Variants in NUDT3 observed in about 807,000 individuals in gnomAD.
The protein encoded by NUDT3 is nudix hydrolase 3, also known as diphosphoinositol polyphosphate phosphohydrolase 1.
In NUDT3, 9 loss-of-function variants were observed where a neutral mutation model predicts 23.6. That is an observed-to-expected ratio of 0.38 (90% CI 0.23 to 0.66). The LOEUF is 0.66. Among genes scored for constraint, NUDT3 ranks in the 30% least tolerant of loss-of-function variants. The pLI is 0.52. For missense variants in NUDT3, 172 were observed against 218.5 expected, an observed-to-expected ratio of 0.79 and a Z score of 1.34; for synonymous variants, 86 against 82.6, an observed-to-expected ratio of 1.04 and a Z score of -0.22.
chr6:34,365,949 G>A (rs1411315477), intron 1 of NUDT3, among the ~76,000 whole-genome samples: 1 of 152,164 alleles, frequency 6.6e-6, no homozygotes, highest in Non-Finnish European at 1.5e-5. Flanking sequence ...ACTGAAGCAG[G>A]AGAATTGCTT....
In NUDT3 at chr6:34,342,377, G is replaced by A. The variant is rs192517150; in HGVS notation, c.100-405C>T. Among the ~76,000 whole-genome samples the A allele has an allele frequency of 9.9e-5, 15 of 150,794 alleles. No homozygotes were observed. The East Asian group carries it at 2.7e-3, about 27-fold the overall frequency. On this transcript the variant is annotated intron_variant, in intron 1 of 4. Coordinates refer to ENST00000607016, the MANE Select transcript of NUDT3 (RefSeq NM_006703.4). ...GCTGGCCAGAAGACAAAAGGCCCTT[G>A]GCCATGATTGCCATCATGGTCCAAC...
intron 4 of NUDT3, among the ~76,000 whole-genome samples, chr6:34,291,566 A>T (rs1763423193): frequency 6.6e-6 from 1 of 151,644 alleles, no homozygotes; most frequent in Non-Finnish European, 1.5e-5. Flanking sequence ...GCATTGGTGT[A>T]TTCTTGGCTC....
intron 2 of NUDT3, among the ~76,000 whole-genome samples, chr6:34,334,044 GA>G (rs1176983710): frequency 6.6e-6 from 1 of 152,200 alleles, no homozygotes; most frequent in African/African-American, 2.4e-5. Flanking sequence ...ATTGGCGCGT[GA>G]CCAGGCTCCT....
At chr6:34,375,384 G>C (rs745324884) in intron 1 of NUDT3, among the ~76,000 whole-genome samples, 1 of 152,052 alleles carries the variant, frequency 6.6e-6, no homozygotes, top group Non-Finnish European at 1.5e-5. Flanking sequence ...AGTTACCAGA[G>C]TTCTAAAACA....
Position 34,286,967 on chromosome 6 carries a change from C to G in NUDT3, c.*1786G>C, listed in dbSNP as rs537501587. 6.6e-6 allele frequency: 1 copy of G among 151,190 alleles called. No individual in the cohort carries two copies. Among genetic ancestry groups the G allele is most frequent in the African/African-American group, 2.4e-5 (1 of 41,112 alleles). The allele number at this position is 151,190 out of a possible 1,614,324, so 9.4% of individuals were successfully genotyped here. ...CTAATTTCTGCATTTTTAGTAGAGA[C>G]GGGGTTTCACCATGTTGGTCAGGCT... On this transcript the variant is annotated 3_prime_UTR_variant, in exon 5 of 5. Coordinates refer to ENST00000607016, the MANE Select transcript of NUDT3 (RefSeq NM_006703.4).
intron 4 of NUDT3, among the ~76,000 whole-genome samples, chr6:34,292,614 TA>T (rs780792409): frequency 1.8e-4 from 27 of 148,536 alleles, no homozygotes; most frequent in Admixed American, 1.1e-3. Context: ...TGAAAAAATA[TA>T]AAAATATATA....
intron 2 of NUDT3, among the ~76,000 whole-genome samples, chr6:34,328,082 A>G (rs960809452): frequency 1.3e-5 from 2 of 152,090 alleles, no homozygotes; most frequent in South Asian, 4.1e-4. Context: ...TATGATAACT[A>G]TTCTTATTCT....
At chr6:34,288,989 A>T in intron 4 of NUDT3, 58 bp from the exon 5 acceptor site, 1 of 1,488,218 alleles carries the variant, frequency 6.7e-7, no homozygotes. Context: ...CTGAGCCTAG[A>T]ACTTTTGAGA....
rs116152166 is a variant in NUDT3, at chr6:34,383,875, A to G, written c.99+8389T>C. Among the ~76,000 whole-genome samples the G allele has an allele frequency of 6.6e-3, 1,000 of 152,246 alleles. 7 individuals carry two copies. Among genetic ancestry groups the G allele is most frequent in the Admixed American group, 0.012 (181 of 15,276 alleles). The stretch of plus-strand genomic sequence containing the variant: ...AGGCAAACAGAAGGGAAAGCAGGGG[A>G]AAAAAGCTTCCAGGAAAGATTTTGA... On this transcript the variant is annotated intron_variant, in intron 1 of 4. Transcript: ENST00000607016.
At chr6:34,363,874 G>A (rs1764686264) in intron 1 of NUDT3, among the ~76,000 whole-genome samples, 1 of 151,820 alleles carries the variant, frequency 6.6e-6, no homozygotes, top group Non-Finnish European at 1.5e-5. Context: ...CCAGGTTTAA[G>A]CGATTCTCCT....
chr6:34,333,419 AACAT>A (rs1478253658), intron 2 of NUDT3, among the ~76,000 whole-genome samples: 2 of 152,234 alleles, frequency 1.3e-5, no homozygotes, highest in Non-Finnish European at 1.5e-5. Flanking sequence ...TAACAAAAGA[AACAT>A]ACACTCAATG....
In NUDT3 at chr6:34,392,497, G is replaced by C. The variant is rs2113777096; in HGVS notation, c.-135C>G. The C allele has an allele frequency of 1.9e-6, 1 of 535,744 alleles. No individual in the cohort carries two copies. The highest frequency in any genetic ancestry group is 2.4e-5 in the South Asian group (1 of 41,706). The allele number at this position is 535,744 out of a possible 1,614,324, so 33.2% of individuals were successfully genotyped here. A position where few individuals can be genotyped will look rare whatever the true frequency, so the allele number is the denominator to read the frequency against. On this transcript the variant is annotated 5_prime_UTR_variant, in exon 1 of 5. Coordinates refer to ENST00000607016, the MANE Select transcript of NUDT3 (RefSeq NM_006703.4). ...GGAGGGGGAGCTTCTCCGCTACACG[G>C]CTCCGCCGCTGGCCCGCCGCGGCCG...
rs534074956 is a variant in NUDT3, at chr6:34,281,993, T to G, written c.*6760A>C. 6.6e-6 allele frequency: 1 copy of G among 152,234 alleles called. No homozygotes were observed. The highest frequency in any genetic ancestry group is 2.4e-5 in the African/African-American group (1 of 41,452). The allele number at this position is 152,234 out of a possible 1,614,324, so 9.4% of individuals were successfully genotyped here. Reference sequence around the variant, plus strand: ...CTTTGGAAACTCTCCAAGACTTAACTTCCGATCTGGGGAGGTTCTACGTGG... The same window carrying G: ...CTTTGGAAACTCTCCAAGACTTAACGTCCGATCTGGGGAGGTTCTACGTGG... On this transcript the variant is annotated 3_prime_UTR_variant, in exon 5 of 5. Transcript: ENST00000607016.
At chr6:34,353,195 T>C (rs1764504566) in intron 1 of NUDT3, among the ~76,000 whole-genome samples, 1 of 152,214 alleles carries the variant, frequency 6.6e-6, no homozygotes, top group African/African-American at 2.4e-5. Context: ...TTATACACAT[T>C]GTTCTACTTT....
At chr6:34,298,317 C>A (rs1385409587) in intron 2 of NUDT3, among the ~76,000 whole-genome samples, 5 of 152,120 alleles carry the variant, frequency 3.3e-5, no homozygotes, top group African/African-American at 4.8e-5. Context: ...GCCATGACTG[C>A]ACCACTGTAC....
At chr6:34,338,374 G>C (rs142267608) in intron 2 of NUDT3, among the ~76,000 whole-genome samples, 404 of 152,274 alleles carry the variant, frequency 2.7e-3, no homozygotes, top group African/African-American at 9.1e-3. Context: ...TTTTGTGCCA[G>C]AGTTAGCTAC....
intron 1 of NUDT3, among the ~76,000 whole-genome samples, chr6:34,377,313 G>C (rs1284165344): frequency 6.6e-6 from 1 of 152,036 alleles, no homozygotes; most frequent in Non-Finnish European, 1.5e-5. Flanking sequence ...ACTGCACCGA[G>C]AATAGTGTTT....
Position 34,392,440 on chromosome 6 carries a change from G to A in NUDT3, c.-78C>T. Reference sequence around the variant, plus strand: ...GAGCCCGCTCTGGACGGCCGCGTGCGCGCGCGCCCCCGGCTCGGCCAAGGG... The same window carrying A: ...GAGCCCGCTCTGGACGGCCGCGTGCACGCGCGCCCCCGGCTCGGCCAAGGG... On this transcript the variant is annotated 5_prime_UTR_variant, in exon 1 of 5. Coordinates refer to ENST00000607016, the MANE Select transcript of NUDT3 (RefSeq NM_006703.4). 2 of 1,101,298 alleles carry A rather than the reference G, an allele frequency of 1.8e-6. No homozygotes were observed. Among genetic ancestry groups the A allele is most frequent in the Non-Finnish European group, 2.6e-6 (2 of 764,850 alleles). 68.2% of individuals were successfully genotyped at this position (1,101,298 alleles called of 1,614,324 possible). A position where few individuals can be genotyped will look rare whatever the true frequency, so the allele number is the denominator to read the frequency against.
Position 34,361,854 on chromosome 6 carries a change from C to G in NUDT3, c.100-19882G>C, listed in dbSNP as rs533434463. 5.9e-5 allele frequency among the ~76,000 whole-genome samples: 9 copies of G among 152,186 alleles called. No homozygotes were observed. In the East Asian group the frequency reaches 1.4e-3, roughly 23 times the overall value. On this transcript the variant is annotated intron_variant, in intron 1 of 4. Coordinates refer to ENST00000607016, the MANE Select transcript of NUDT3 (RefSeq NM_006703.4). The stretch of plus-strand genomic sequence containing the variant: ...TAGATCAGTGGTTGTTAGGGGTGAG[C>G]AGAGAGGGAGGGATGAATAGGTAGA...
Sources: gnomAD v4.1 joint callset for allele counts (sites outside exome capture counted in the v4.1 genomes callset) on GRCh38, gnomAD v4.1.1 for gene constraint, MANE v1.5 for transcripts, NCBI Gene and HGNC (gene_info 2026-07-23, HGNC 2026-07-21) for gene names.